CX3CR1: variants seen among roughly 807,000 people sequenced by gnomAD.
The protein encoded by CX3CR1 is CX3C chemokine receptor 1.
For missense variants in CX3CR1, 363 were observed against 432.4 expected (o/e 0.84, Z 1.42); for synonymous variants, 168 against 178.5 (o/e 0.94, Z 0.47).
At chr3:39,282,873 A>G (rs1255375258), upstream of CX3CR1, among the ~76,000 whole-genome samples, 1 of 152,036 alleles carries the variant, frequency 6.6e-6, no homozygotes, top group East Asian at 1.9e-4. Flanking sequence ...CAGTGACCCT[A>G]TGATGCAGGT....
intron 1 of CX3CR1, among the ~76,000 whole-genome samples, chr3:39,279,118 A>AT (rs1420501087): frequency 2.0e-5 from 3 of 152,192 alleles, no homozygotes; most frequent in African/African-American, 7.2e-5. Flanking sequence ...AGACTGTGCC[A>AT]TTGCACTCCA....
upstream of CX3CR1, chr3:39,281,672 A>T (rs11715522): frequency 1.3e-6 from 2 of 1,598,252 alleles, no homozygotes; most frequent in Non-Finnish European, 1.7e-6. Flanking sequence ...CTGCCAACTT[A>T]AACGCCTCCA....
At chr3:39,277,122 T>C (rs1037373494) in intron 1 of CX3CR1, among the ~76,000 whole-genome samples, 7 of 152,126 alleles carry the variant, frequency 4.6e-5, no homozygotes, top group African/African-American at 7.2e-5. Flanking sequence ...ACAAAGGTGG[T>C]CTAGGAAGAT....
intron 1 of CX3CR1, among the ~76,000 whole-genome samples, chr3:39,271,660 C>A (rs2040778577): frequency 6.6e-6 from 1 of 152,214 alleles, no homozygotes; most frequent in African/African-American, 2.4e-5. Flanking sequence ...TTGCCTGGTT[C>A]TGAAGAGACT....
chr3:39,269,722 A>T (rs1213991827), intron 1 of CX3CR1, among the ~76,000 whole-genome samples: 4 of 152,116 alleles, frequency 2.6e-5, no homozygotes, highest in Admixed American at 2.6e-4. Flanking sequence ...CCCTCATCCT[A>T]GCTCCCTGCT....
At position 39,264,686 on chromosome 3, in the gene CX3CR1, A is replaced by G. The variant is rs1450756367; in HGVS notation, c.*756T>C. 6.6e-6 allele frequency: 1 copy of G among 152,424 alleles called. No individual in the cohort carries two copies. The highest frequency in any genetic ancestry group is 2.4e-5 in the African/African-American group (1 of 41,428). 9.4% of individuals were successfully genotyped at this position (152,424 alleles called of 1,614,324 possible). On this transcript the variant is annotated 3_prime_UTR_variant, in exon 2 of 2. Transcript: ENST00000399220. Reference sequence around the variant, plus strand: ...CCTTGCAGGTTTGGGGACATGATGGAAGAGGGCTTAATGAAGACGAGGCTG... The same window carrying G: ...CCTTGCAGGTTTGGGGACATGATGGGAGAGGGCTTAATGAAGACGAGGCTG...
chr3:39,282,037 A>T (rs1319132961), upstream of CX3CR1, among the ~76,000 whole-genome samples: 1 of 152,106 alleles, frequency 6.6e-6, no homozygotes, highest in Non-Finnish European at 1.5e-5. Flanking sequence ...GGGAACTCTG[A>T]CCTTGGGTAA....
upstream of CX3CR1, among the ~76,000 whole-genome samples, chr3:39,285,383 G>C (rs2040936915): frequency 6.6e-6 from 1 of 151,980 alleles, no homozygotes; most frequent in Non-Finnish European, 1.5e-5. Flanking sequence ...ACTCTTAAAA[G>C]AAAAGAAAAG....
the CX3CR1 span, among the ~76,000 whole-genome samples, chr3:39,288,626 T>A: frequency 6.6e-6 from 1 of 152,212 alleles, no homozygotes; most frequent in African/African-American, 2.4e-5. Flanking sequence ...AGCTCCCCTC[T>A]GGTTCATTGG....
At chr3:39,288,232 T>C in the CX3CR1 span, among the ~76,000 whole-genome samples, 5 of 152,348 alleles carry the variant, frequency 3.3e-5, no homozygotes, top group East Asian at 9.6e-4. Context: ...GCCGCTATTA[T>C]GTGTCACACT....
chr3:39,290,206 G>A, the CX3CR1 span, among the ~76,000 whole-genome samples: 3 of 152,336 alleles, frequency 2.0e-5, no homozygotes, highest in East Asian at 5.8e-4. Context: ...GGAAGCAGGG[G>A]CAGTTCTAGA....
chr3:39,289,381 G>A, the CX3CR1 span, among the ~76,000 whole-genome samples: 1 of 152,116 alleles, frequency 6.6e-6, no homozygotes, highest in Non-Finnish European at 1.5e-5. Context: ...GGGTCAAGAG[G>A]GTAGAAGAGC....
In CX3CR1 at chr3:39,265,878, T is replaced by C; in HGVS notation, c.632A>G (p.Tyr211Cys). 2 of 1,614,192 alleles carry C rather than the reference T, an allele frequency of 1.2e-6. No homozygotes were observed. Among genetic ancestry groups the C allele is most frequent in the South Asian group, 1.1e-5 (1 of 91,080 alleles). ...LLPLLIMSYC[Y>C]FRIIQTLFSC... Reference sequence around the variant, plus strand: ...AAACAGCGTCTGGATGATTCTGAAGTAGCAATAACTCATAATGAGCAGGGG... The same window carrying C: ...AAACAGCGTCTGGATGATTCTGAAGCAGCAATAACTCATAATGAGCAGGGG... The change falls in exon 2 of 2, where the codon TAC (tyrosine) becomes TGC (cysteine). Residue 211 changes from tyrosine (Y) to cysteine (C), a missense_variant. Tyr to Cys is a radical substitution (Grantham distance 194). Coordinates refer to ENST00000399220, the MANE Select transcript of CX3CR1 (RefSeq NM_001337.4).
chr3:39,285,606 T>G (rs913636785), upstream of CX3CR1, among the ~76,000 whole-genome samples: 4 of 152,350 alleles, frequency 2.6e-5, no homozygotes, highest in South Asian at 8.3e-4. Flanking sequence ...ATAAACTATT[T>G]TTTAGGCATC....
upstream of CX3CR1, among the ~76,000 whole-genome samples, chr3:39,285,423 T>C (rs1387806398): frequency 2.0e-5 from 3 of 152,058 alleles, no homozygotes; most frequent in Non-Finnish European, 4.4e-5. Context: ...GGAGTAAATG[T>C]AGACAAAGTA....
In CX3CR1 at chr3:39,265,153, C is replaced by T. The variant is rs1244572787; in HGVS notation, c.*289G>A. ...CCACAATATGAACAATATTCACCAC[C>T]CTCATTTAACTAAACTAGTCTGAGT... On this transcript the variant is annotated 3_prime_UTR_variant, in exon 2 of 2. Transcript: ENST00000399220. 4 of 327,484 alleles carry T rather than the reference C, an allele frequency of 1.2e-5. No individual in the cohort carries two copies. Among genetic ancestry groups the T allele is most frequent in the Non-Finnish European group, 2.2e-5 (4 of 179,574 alleles). The allele number at this position is 327,484 out of a possible 1,614,324, so 20.3% of individuals were successfully genotyped here. A position where few individuals can be genotyped will look rare whatever the true frequency, so the allele number is the denominator to read the frequency against.
chr3:39,271,376 T>C (rs183289903), intron 1 of CX3CR1, among the ~76,000 whole-genome samples: 15 of 152,248 alleles, frequency 9.9e-5, no homozygotes, highest in Admixed American at 7.8e-4. Context: ...ATGTGTTAAA[T>C]GAATTAATAA....
chr3:39,263,850 T>C lies in CX3CR1; in HGVS notation c.*1592A>G, dbSNP rs537065702. Reference sequence around the variant, plus strand: ...TAAACATGTGAGAGTGTGAACAAGGTCTGGACGGGTGAATACAGGAATGAC... The same window carrying C: ...TAAACATGTGAGAGTGTGAACAAGGCCTGGACGGGTGAATACAGGAATGAC... On this transcript the variant is annotated 3_prime_UTR_variant, in exon 2 of 2. Transcript: ENST00000399220. The C allele has an allele frequency of 6.6e-6, 1 of 152,334 alleles. No individual in the cohort carries two copies. Among genetic ancestry groups the C allele is most frequent in the East Asian group, 1.9e-4 (1 of 5,172 alleles). 9.4% of individuals were successfully genotyped at this position (152,334 alleles called of 1,614,324 possible).
upstream of CX3CR1, among the ~76,000 whole-genome samples, chr3:39,285,436 T>C (rs896310654): frequency 6.6e-6 from 1 of 152,134 alleles, no homozygotes; most frequent in South Asian, 2.1e-4. Context: ...ACAAAGTAAG[T>C]GCTATTTACT....
Sources: allele counts gnomAD v4.1 joint callset (sites outside exome capture counted in the v4.1 genomes callset), GRCh38; gene constraint gnomAD v4.1.1; transcripts MANE v1.5; gene names NCBI Gene and HGNC (gene_info 2026-07-23, HGNC 2026-07-21).